RHOBTB3: variants seen among roughly 807,000 people sequenced by gnomAD.
RHOBTB3 encodes Rho related BTB domain containing 3, also known as rho-related BTB domain-containing protein 3.
A neutral mutation model predicts 67.2 loss-of-function variants in RHOBTB3; 47 were observed. That is an observed-to-expected ratio of 0.70 (90% confidence interval 0.55 to 0.89). The LOEUF (loss-of-function observed/expected upper bound fraction) is 0.89. RHOBTB3 is among the 40% of genes least tolerant of loss of function. The pLI is 0.00. For missense variants in RHOBTB3, 631 were observed against 750.0 expected (o/e 0.84, Z 1.85); for synonymous variants, 273 against 274.2 (o/e 1.00, Z 0.04).
At chr5:95,718,193 C>T (rs925228346) in intron 1 of RHOBTB3, among the ~76,000 whole-genome samples, 3 of 151,766 alleles carry the variant, frequency 2.0e-5, no homozygotes, top group African/African-American at 7.3e-5. Flanking sequence ...TGCTTCTAGC[C>T]GTATGGGGAA....
intron 1 of RHOBTB3, chr5:95,717,781 A>G (rs1209461588): frequency 6.6e-6 from 1 of 152,250 alleles, no homozygotes; most frequent in Non-Finnish European, 1.5e-5. Flanking sequence ...GAATCATTAT[A>G]ATAAAATTCA....
At chr5:95,747,724 G>T (rs1383141626) in intron 3 of RHOBTB3, among the ~76,000 whole-genome samples, 3 of 152,130 alleles carry the variant, frequency 2.0e-5, no homozygotes, top group Non-Finnish European at 4.4e-5. Context: ...TAAAGAAAAA[G>T]ATAAAGAATG....
intron 3 of RHOBTB3, 124 bp from the exon 4 acceptor site, chr5:95,748,209 T>C: frequency 1.7e-6 from 1 of 573,068 alleles, no homozygotes; most frequent in Non-Finnish European, 3.0e-6. Flanking sequence ...GTAGTGGATA[T>C]ACTGAATGCT....
At chr5:95,766,764 C>T (rs375664037) in intron 7 of RHOBTB3, among the ~76,000 whole-genome samples, 3 of 152,114 alleles carry the variant, frequency 2.0e-5, no homozygotes, top group East Asian at 1.9e-4. Flanking sequence ...AGGCTGCTCC[C>T]GGAGCCACTA....
Position 95,741,788 on chromosome 5 carries a change from G to A in RHOBTB3, c.415+4713G>A, listed in dbSNP as rs535927002. 2.0e-5 allele frequency among the ~76,000 whole-genome samples: 3 copies of A among 152,116 alleles called. No individual in the cohort carries two copies. The South Asian group carries it at 6.2e-4, about 32-fold the overall frequency. On this transcript the variant is annotated intron_variant, in intron 3 of 11. Transcript: ENST00000379982. Reference sequence around the variant, plus strand: ...CATAATTCCTTCATTTATGATAAATGTGCTTGCAAAATAGTGATGTTTCTA... The same window carrying A: ...CATAATTCCTTCATTTATGATAAATATGCTTGCAAAATAGTGATGTTTCTA...
chr5:95,743,385 C>T (rs1755654682), intron 3 of RHOBTB3, among the ~76,000 whole-genome samples: 1 of 152,050 alleles, frequency 6.6e-6, no homozygotes, highest in Admixed American at 6.6e-5. Flanking sequence ...CTGGGGTTCT[C>T]CCACTCATCC....
intron 6 of RHOBTB3, among the ~76,000 whole-genome samples, chr5:95,761,319 A>C (rs1343329777): frequency 6.6e-6 from 1 of 151,414 alleles, no homozygotes; most frequent in East Asian, 1.9e-4. Flanking sequence ...ATAATGGCTG[A>C]AATTTCTTTC....
chr5:95,769,065 T>A, intron 8 of RHOBTB3: 1 of 357,390 alleles, frequency 2.8e-6, no homozygotes, highest in Non-Finnish European at 5.5e-6. Context: ...TCACTTGGGC[T>A]TATGCCAAAC....
intron 10 of RHOBTB3, among the ~76,000 whole-genome samples, chr5:95,785,610 T>G (rs553934254): frequency 6.6e-6 from 1 of 151,922 alleles, no homozygotes; most frequent in African/African-American, 2.4e-5. Context: ...AAAAAAAAAT[T>G]GAGTAACACT....
intron 8 of RHOBTB3, among the ~76,000 whole-genome samples, chr5:95,773,034 T>C (rs1035135477): frequency 6.6e-6 from 1 of 152,246 alleles, no homozygotes; most frequent in African/African-American, 2.4e-5. Flanking sequence ...AATTTGCTTA[T>C]AATTTGCATA....
Position 95,755,478 on chromosome 5 carries a change from C to T in RHOBTB3, c.765C>T (p.Asp255=), listed in dbSNP as rs573215896. The T allele has an allele frequency of 1.9e-5, 31 of 1,613,836 alleles. No individual in the cohort carries two copies. Among genetic ancestry groups the T allele is most frequent in the African/African-American group, 1.5e-4 (11 of 75,026 alleles). The change falls in exon 6 of 12, where the codon GAC becomes GAT. Residue 255 remains aspartate (D), a synonymous_variant. Coordinates refer to ENST00000379982, the MANE Select transcript of RHOBTB3 (RefSeq NM_014899.4). The part of the protein sequence containing the change: ...NNLLFCCQCV[D]VVFYNPNLKK... ...TGCTGTTCTGCTGCCAGTGTGTGGA[C>T]GTGGTATTTTACAACCCCAATTTAA...
chr5:95,769,660 A>G (rs1745648482), intron 8 of RHOBTB3: 1 of 167,198 alleles, frequency 6.0e-6, no homozygotes. Flanking sequence ...TTAATACATC[A>G]AAATTTTTGC....
chr5:95,774,178 A>G (rs1324424361), intron 8 of RHOBTB3, among the ~76,000 whole-genome samples: 1 of 151,960 alleles, frequency 6.6e-6, no homozygotes, highest in African/African-American at 2.4e-5. Context: ...TGAAATGGGC[A>G]TGATGATTAG....
upstream of RHOBTB3, among the ~76,000 whole-genome samples, chr5:95,726,426 C>T (rs1015132828): frequency 5.3e-5 from 8 of 152,110 alleles, no homozygotes; most frequent in East Asian, 1.9e-4. Context: ...TTATTGAATT[C>T]GCCTTCAATA....
At chr5:95,790,649 T>C (rs1268374208) in intron 11 of RHOBTB3, among the ~76,000 whole-genome samples, 1 of 152,152 alleles carries the variant, frequency 6.6e-6, no homozygotes, top group African/African-American at 2.4e-5. Flanking sequence ...GTTCCTTTGA[T>C]GGGAATTAAA....
chr5:95,784,405 A>T (rs1296716937), intron 10 of RHOBTB3, among the ~76,000 whole-genome samples: 2 of 152,234 alleles, frequency 1.3e-5, no homozygotes, highest in Non-Finnish European at 2.9e-5. Flanking sequence ...TCATCCATAT[A>T]ATGAACATGT....
chr5:95,732,477 T>C (rs1755318206), intron 2 of RHOBTB3: 1 of 359,678 alleles, frequency 2.8e-6, no homozygotes, highest in South Asian at 7.4e-5. Context: ...TAAAAATACA[T>C]CCCTCTCAAA....
At chr5:95,721,693 T>TAAAAAAAAAAAA in intron 1 of RHOBTB3, among the ~76,000 whole-genome samples, 1 of 132,204 alleles carries the variant, frequency 7.6e-6, no homozygotes. Context: ...CTGAGAGCAT[T>TAAAAAAAAAAAA]AAAAAAAAAA....
At chr5:95,784,894 G>T (rs954520170) in intron 10 of RHOBTB3, among the ~76,000 whole-genome samples, 2 of 152,140 alleles carry the variant, frequency 1.3e-5, no homozygotes, top group Non-Finnish European at 2.9e-5. Flanking sequence ...GCACACTCTT[G>T]TGTACTCAAC....
Sources: gnomAD v4.1 joint callset for allele counts (sites outside exome capture counted in the v4.1 genomes callset) on GRCh38, gnomAD v4.1.1 for gene constraint, MANE v1.5 for transcripts, NCBI Gene and HGNC (gene_info 2026-07-23, HGNC 2026-07-21) for gene names.